The following RBFOX1 variants were observed in gnomAD, a reference collection of about 807,000 sequenced individuals.
RBFOX1 encodes RNA binding fox-1 homolog 1.
In RBFOX1, 8 loss-of-function variants were observed where a neutral mutation model predicts 57.7. The ratio of observed to expected loss-of-function variants is 0.14; its 90% confidence interval spans 0.08 to 0.25. RBFOX1 has a LOEUF of 0.25. Ranked by LOEUF, RBFOX1 falls within the 10% of genes least tolerant of loss-of-function variation. RBFOX1 has a pLI of 1.00. For missense variants in RBFOX1, 611 were observed against 548.5 expected, an observed-to-expected ratio of 1.11 and a Z score of -1.14; for synonymous variants, 326 against 222.4, an observed-to-expected ratio of 1.47 and a Z score of -4.15.
intron 4 of RBFOX1, among the ~76,000 whole-genome samples, chr16:7,422,179 C>A (rs535318896): frequency 6.6e-6 from 1 of 152,182 alleles, no homozygotes; most frequent in South Asian, 2.1e-4. Context: ...TGTGCGTGTG[C>A]TTGTGCGAGT....
chr16:6,141,565 C>A (rs550507198), intron 1 of RBFOX1, among the ~76,000 whole-genome samples: 1 of 152,150 alleles, frequency 6.6e-6, no homozygotes, highest in Admixed American at 6.5e-5. Flanking sequence ...TTTGTGACTT[C>A]CTGTCTTTCC....
chr16:6,628,735 T>C (rs1486396804), intron 2 of RBFOX1, among the ~76,000 whole-genome samples: 1 of 152,180 alleles, frequency 6.6e-6, no homozygotes, highest in African/African-American at 2.4e-5. Context: ...GTTTGACAGC[T>C]GAGTACACTT....
chr16:6,694,362 A>T (rs149109698), intron 3 of RBFOX1, among the ~76,000 whole-genome samples: 2 of 152,188 alleles, frequency 1.3e-5, no homozygotes, highest in East Asian at 3.9e-4. Flanking sequence ...AATTATGTAG[A>T]TTATATCCAC....
chr16:7,504,787 T>TATTTA (rs1555526513), intron 4 of RBFOX1, among the ~76,000 whole-genome samples: 1 of 9,370 alleles, frequency 1.1e-4, no homozygotes, highest in African/African-American at 3.7e-4. Flanking sequence ...ATATATATAT[T>TATTTA]TATATATATA....
At chr16:7,538,033 C>T (rs191517299) in intron 5 of RBFOX1, among the ~76,000 whole-genome samples, 316 of 152,238 alleles carry the variant, frequency 2.1e-3, no homozygotes, top group African/African-American at 7.2e-3. Context: ...ATTGTCTGTG[C>T]CCGGAAAGAG....
chr16:5,626,647 T>C (rs916329978), intron 3 of RBFOX1, among the ~76,000 whole-genome samples: 1 of 152,144 alleles, frequency 6.6e-6, no homozygotes, highest in Non-Finnish European at 1.5e-5. Context: ...AGGTGTCAAA[T>C]GTTGACACGA....
intron 2 of RBFOX1, among the ~76,000 whole-genome samples, chr16:5,539,692 T>G (rs2044854506): frequency 6.6e-6 from 1 of 152,172 alleles, no homozygotes; most frequent in Non-Finnish European, 1.5e-5. Flanking sequence ...TGAGAGATTG[T>G]AAGAATTTTT....
chr16:5,521,882 G>C (rs766633409), intron 2 of RBFOX1, among the ~76,000 whole-genome samples: 13 of 152,186 alleles, frequency 8.5e-5, no homozygotes, highest in Non-Finnish European at 1.8e-4. Context: ...GACGAGTCAT[G>C]AGTGCCCAGG....
intron 11 of RBFOX1, among the ~76,000 whole-genome samples, chr16:7,643,958 C>A (rs1277237406): frequency 6.6e-6 from 1 of 152,106 alleles, no homozygotes; most frequent in Non-Finnish European, 1.5e-5. Context: ...GCAAATTAAC[C>A]CAGTCTATGA....
At chr16:7,693,800 A>C (rs1239756316) in intron 14 of RBFOX1, among the ~76,000 whole-genome samples, 2 of 152,192 alleles carry the variant, frequency 1.3e-5, no homozygotes, top group Non-Finnish European at 2.9e-5. Flanking sequence ...AGGCTGTAAA[A>C]GACTGAATCT....
At chr16:6,377,743 A>G (rs987961160) in intron 2 of RBFOX1, among the ~76,000 whole-genome samples, 6 of 152,256 alleles carry the variant, frequency 3.9e-5, no homozygotes, top group Admixed American at 6.5e-5. Context: ...GTAATCATAT[A>G]AAATGTTTGG....
chr16:6,510,583 A>G (rs1041828608), intron 2 of RBFOX1, among the ~76,000 whole-genome samples: 2 of 152,336 alleles, frequency 1.3e-5, no homozygotes, highest in South Asian at 2.1e-4. Flanking sequence ...GTGATGGAGA[A>G]GTCGGGAGGA....
chr16:5,889,694 C>G (rs143592891), intron 4 of RBFOX1, among the ~76,000 whole-genome samples: 4 of 152,334 alleles, frequency 2.6e-5, no homozygotes, highest in African/African-American at 9.6e-5. Flanking sequence ...TGGAGGAGCG[C>G]CTGTCCGTGG....
chr16:6,652,214 G>A (rs2098601955), intron 2 of RBFOX1, among the ~76,000 whole-genome samples: 1 of 152,142 alleles, frequency 6.6e-6, no homozygotes, highest in Non-Finnish European at 1.5e-5. Flanking sequence ...ACTTTGGGAG[G>A]GCGAGGCGGG....
intron 1 of RBFOX1, among the ~76,000 whole-genome samples, chr16:5,392,523 A>T (rs952877590): frequency 6.6e-6 from 1 of 150,788 alleles, no homozygotes; most frequent in Non-Finnish European, 1.5e-5. Context: ...TGATATATAT[A>T]TATATATTTT....
At chr16:5,840,520 A>G (rs1350640018) in intron 3 of RBFOX1, among the ~76,000 whole-genome samples, 4 of 152,194 alleles carry the variant, frequency 2.6e-5, no homozygotes, top group Admixed American at 6.5e-5. Context: ...AACACCAGGA[A>G]CACAGCTCCC....
intron 4 of RBFOX1, among the ~76,000 whole-genome samples, chr16:7,270,920 G>T (rs2095304683): frequency 6.6e-6 from 1 of 152,068 alleles, no homozygotes. Context: ...TTCCATCATG[G>T]TTAGGAATGG....
chr16:6,800,539 C>T (rs1043707171), intron 3 of RBFOX1, among the ~76,000 whole-genome samples: 8 of 152,038 alleles, frequency 5.3e-5, no homozygotes, highest in African/African-American at 9.7e-5. Flanking sequence ...CTTCCGTGCA[C>T]GCTACACTTT....
chr16:6,550,121 T>A (rs1244081739), intron 2 of RBFOX1, among the ~76,000 whole-genome samples: 1 of 152,154 alleles, frequency 6.6e-6, no homozygotes, highest in Non-Finnish European at 1.5e-5. Context: ...TCGCTCTGTT[T>A]GGAGTCCCTC....
Sources: allele counts gnomAD v4.1 joint callset (sites outside exome capture counted in the v4.1 genomes callset), GRCh38; gene constraint gnomAD v4.1.1; transcripts MANE v1.5; gene names NCBI Gene and HGNC (gene_info 2026-07-23, HGNC 2026-07-21).